The following PDE4B variants were observed in gnomAD, a reference collection of about 807,000 sequenced individuals.
The protein encoded by PDE4B is 3',5'-cyclic-AMP phosphodiesterase 4B.
PDE4B carries 20 observed loss-of-function variants against 82.2 expected under a neutral mutation model. That is an observed-to-expected ratio of 0.24 (90% CI 0.17 to 0.35). The LOEUF (loss-of-function observed/expected upper bound fraction) is 0.35. Among genes scored for constraint, PDE4B ranks in the 10% least tolerant of loss-of-function variants. The probability of loss-of-function intolerance (pLI) is 1.00; values close to 1 mark genes in which losing one functional copy is unlikely to be tolerated. For missense variants in PDE4B, 655 were observed against 907.2 expected, an observed-to-expected ratio of 0.72 and a Z score of 3.57; for synonymous variants, 320 against 318.9, an observed-to-expected ratio of 1.00 and a Z score of -0.04.
chr1:66,368,984 A>C lies in PDE4B; in HGVS notation c.1845+15A>C. 1 of 1,587,214 alleles carries C rather than the reference A, an allele frequency of 6.3e-7. No individual in the cohort carries two copies. On this transcript the variant is annotated intron_variant, in intron 16 of 16. Transcript: ENST00000341517. ...AAAAATCCCAGGTATCTAATATGAGATTTTCAAAGTTTTTGTGAGCTCTGC... is the reference window on the plus strand; with the variant it reads ...AAAAATCCCAGGTATCTAATATGAGCTTTTCAAAGTTTTTGTGAGCTCTGC...
chr1:65,850,121 T>TC (rs1479251902), intron 1 of PDE4B, among the ~76,000 whole-genome samples: 2 of 148,134 alleles, frequency 1.4e-5, no homozygotes, highest in African/African-American at 5.0e-5. Context: ...TTTTTTTTTT[T>TC]TTTTTTTTTT....
chr1:66,352,530 C>G (rs917721232), intron 8 of PDE4B, among the ~76,000 whole-genome samples: 1 of 152,128 alleles, frequency 6.6e-6, no homozygotes. Context: ...CCTCTTATAG[C>G]CTTTTATGAT....
intron 1 of PDE4B, among the ~76,000 whole-genome samples, chr1:65,878,801 T>A (rs1646677699): frequency 6.6e-6 from 1 of 152,030 alleles, no homozygotes; most frequent in Non-Finnish European, 1.5e-5. Flanking sequence ...AAAACCTAGA[T>A]GACAGGTTGA....
At chr1:65,851,195 A>G (rs1646328631) in intron 1 of PDE4B, among the ~76,000 whole-genome samples, 2 of 152,184 alleles carry the variant, frequency 1.3e-5, no homozygotes, top group African/African-American at 4.8e-5. Context: ...TTATGCCAGT[A>G]CCATATTGTC....
Position 66,367,720 on chromosome 1 carries a change from A to G in PDE4B, c.1409A>G (p.Asn470Ser). The change falls in exon 14 of 17, where the codon AAT becomes AGT. Residue 470 changes from asparagine to serine, a missense_variant. Physicochemically the swap from Asn to Ser is conservative, Grantham distance 46 (BLOSUM62 1). Transcript: ENST00000341517. ...GATTCAGAACTTGCTTTGATGTATAATGATGAATCTGTGTTGGAAAATCAT... is the reference window on the plus strand; with the variant it reads ...GATTCAGAACTTGCTTTGATGTATAGTGATGAATCTGTGTTGGAAAATCAT... Reference protein sequence around the residue: ...NTNSELALMYNDESVLENHHL... With the variant: ...NTNSELALMYSDESVLENHHL... The G allele has an allele frequency of 1.9e-6, 3 of 1,613,202 alleles. No individual in the cohort carries two copies. The highest frequency in any genetic ancestry group is 2.5e-6 in the Non-Finnish European group (3 of 1,179,504).
At chr1:65,959,113 C>T (rs1347986451) in intron 3 of PDE4B, among the ~76,000 whole-genome samples, 1 of 152,198 alleles carries the variant, frequency 6.6e-6, no homozygotes, top group Non-Finnish European at 1.5e-5. Context: ...TACAGCACAT[C>T]TCTTTCAAAT....
chr1:65,965,835 C>T (rs1557463724), intron 3 of PDE4B, among the ~76,000 whole-genome samples: 1 of 152,020 alleles, frequency 6.6e-6, no homozygotes, highest in South Asian at 2.1e-4. Context: ...AGGCCTGCAA[C>T]AAAATTCAAC....
At position 66,363,583 on chromosome 1, in the gene PDE4B, T is replaced by C; in HGVS notation, c.1284+12T>C. Reference sequence around the variant, plus strand: ...CACCAGCATTAGACGTGAGTAATTATGACCTGTTTTGCATTCCTGCCCATC... The same window carrying C: ...CACCAGCATTAGACGTGAGTAATTACGACCTGTTTTGCATTCCTGCCCATC... On this transcript the variant is annotated intron_variant, in intron 12 of 16. Transcript: ENST00000341517. The C allele has an allele frequency of 6.2e-7, 1 of 1,601,506 alleles. No individual in the cohort carries two copies. Among genetic ancestry groups the C allele is most frequent in the South Asian group, 1.1e-5 (1 of 89,760 alleles).
intron 3 of PDE4B, among the ~76,000 whole-genome samples, chr1:66,109,889 A>G (rs555817980): frequency 1.4e-4 from 21 of 152,024 alleles, no homozygotes; most frequent in African/African-American, 4.3e-4. Flanking sequence ...TTGTTAGGCT[A>G]TCAGACGTTG....
At chr1:66,100,814 G>T (rs1482470761) in intron 3 of PDE4B, among the ~76,000 whole-genome samples, 1 of 152,020 alleles carries the variant, frequency 6.6e-6, no homozygotes, top group Non-Finnish European at 1.5e-5. Flanking sequence ...AATTTGAATA[G>T]AACCCAGTAA....
chr1:66,069,979 G>A (rs184712186), intron 3 of PDE4B, among the ~76,000 whole-genome samples: 1 of 152,114 alleles, frequency 6.6e-6, no homozygotes, highest in African/African-American at 2.4e-5. Context: ...ATGTGCAAGT[G>A]TGTGCATGTG....
intron 1 of PDE4B, among the ~76,000 whole-genome samples, chr1:65,852,674 C>A (rs755608542): frequency 2.0e-5 from 3 of 151,872 alleles, no homozygotes; most frequent in Non-Finnish European, 4.4e-5. Flanking sequence ...AATATGTTTT[C>A]TAATCTACAT....
At chr1:65,905,440 G>A (rs1289235997) in intron 1 of PDE4B, among the ~76,000 whole-genome samples, 1 of 152,034 alleles carries the variant, frequency 6.6e-6, no homozygotes, top group Non-Finnish European at 1.5e-5. Flanking sequence ...AGCATAAGGT[G>A]GGGAAGCAAG....
At chr1:65,852,317 A>G (rs1042821338) in intron 1 of PDE4B, among the ~76,000 whole-genome samples, 1 of 152,020 alleles carries the variant, frequency 6.6e-6, no homozygotes, top group African/African-American at 2.4e-5. Flanking sequence ...AGATAGAATT[A>G]TTCAATAAAG....
At chr1:65,895,856 G>T (rs1022588382) in intron 1 of PDE4B, among the ~76,000 whole-genome samples, 1 of 148,380 alleles carries the variant, frequency 6.7e-6, no homozygotes, top group East Asian at 2.0e-4. Context: ...ACTTAACACA[G>T]TATTAGATTT....
chr1:66,184,476 C>T (rs1294820989), intron 3 of PDE4B, among the ~76,000 whole-genome samples: 5 of 152,206 alleles, frequency 3.3e-5, no homozygotes, highest in Admixed American at 3.3e-4. Flanking sequence ...AAAAATTTTA[C>T]CAAAAGCTAT....
chr1:65,873,900 G>T (rs1557790579), intron 1 of PDE4B, among the ~76,000 whole-genome samples: 2 of 151,830 alleles, frequency 1.3e-5, no homozygotes, highest in African/African-American at 2.4e-5. Context: ...GGTGATGCGG[G>T]CTCTTTTTTG....
intron 1 of PDE4B, among the ~76,000 whole-genome samples, chr1:65,880,745 C>CCCAGTCTATTAATA (rs1553195080): frequency 6.6e-6 from 1 of 152,136 alleles, no homozygotes; most frequent in African/African-American, 2.4e-5. Context: ...TAATAAGCTA[C>CCCAGTCTATTAATA]CCAGTCTATG....
At chr1:65,805,538 C>CT (rs976186710) in intron 1 of PDE4B, among the ~76,000 whole-genome samples, 8 of 149,010 alleles carry the variant, frequency 5.4e-5, no homozygotes, top group Non-Finnish European at 9.0e-5. Context: ...CATTGTGCAG[C>CT]TTTTTTTTTT....
Sources: gnomAD v4.1 joint callset for allele counts (sites outside exome capture counted in the v4.1 genomes callset) on GRCh38, gnomAD v4.1.1 for gene constraint, MANE v1.5 for transcripts, NCBI Gene and HGNC (gene_info 2026-07-23, HGNC 2026-07-21) for gene names.